The following RPS6KC1 variants were observed in gnomAD, a reference collection of about 807,000 sequenced individuals.
RPS6KC1 encodes the protein inactive ribosomal protein S6 kinase delta-1.
A neutral mutation model predicts 103.8 loss-of-function variants in RPS6KC1; 54 were observed. The observed-to-expected ratio is 0.52, with a 90% confidence interval of 0.42 to 0.65. The LOEUF is 0.65. RPS6KC1 is among the 30% of genes least tolerant of loss of function. RPS6KC1 has a pLI of 0.00. For synonymous variants in RPS6KC1, 439 were observed against 438.7 expected (o/e 1.00, Z -0.01); for missense variants, 1,151 against 1,253.8 (o/e 0.92, Z 1.24).
chr1:213,062,992 G>GC (rs2077985392), intron 1 of RPS6KC1, among the ~76,000 whole-genome samples: 1 of 152,192 alleles, frequency 6.6e-6, no homozygotes, highest in Non-Finnish European at 1.5e-5. Flanking sequence ...ACTGACCTAG[G>GC]CCAAGCCTCA....
chr1:213,692,782 G>A, the RPS6KC1 span, among the ~76,000 whole-genome samples: 3 of 152,204 alleles, frequency 2.0e-5, no homozygotes, highest in African/African-American at 7.2e-5. Context: ...TTATCAGGAA[G>A]CTGCTGATCA....
the RPS6KC1 span, among the ~76,000 whole-genome samples, chr1:213,326,141 T>C: frequency 6.6e-6 from 1 of 151,488 alleles, no homozygotes; most frequent in East Asian, 2.0e-4. Flanking sequence ...GAGCACCAAA[T>C]GATCTGAGTG....
At chr1:213,432,301 A>G in the RPS6KC1 span, among the ~76,000 whole-genome samples, 1 of 152,208 alleles carries the variant, frequency 6.6e-6, no homozygotes, top group Non-Finnish European at 1.5e-5. Flanking sequence ...TTAATGAAGT[A>G]CAATTTATAG....
At chr1:213,780,025 A>G in the RPS6KC1 span, among the ~76,000 whole-genome samples, 7 of 152,100 alleles carry the variant, frequency 4.6e-5, no homozygotes, top group African/African-American at 1.7e-4. Context: ...CATGCTCCCT[A>G]TTTCAGGGAG....
At chr1:213,745,485 C>A in the RPS6KC1 span, among the ~76,000 whole-genome samples, 1 of 151,572 alleles carries the variant, frequency 6.6e-6, no homozygotes, top group African/African-American at 2.4e-5. Flanking sequence ...GGAGTCCCAA[C>A]TCAGCTGAGG....
the RPS6KC1 span, among the ~76,000 whole-genome samples, chr1:213,736,287 C>T: frequency 1.3e-5 from 2 of 152,158 alleles, no homozygotes; most frequent in East Asian, 3.9e-4. Context: ...AAGGTTTCAG[C>T]CAGGCCGTGT....
intron 12 of RPS6KC1, among the ~76,000 whole-genome samples, chr1:213,259,104 G>A (rs2094719668): frequency 6.6e-6 from 1 of 152,148 alleles, no homozygotes; most frequent in Admixed American, 6.5e-5. Context: ...TTAAAGTTGT[G>A]GAAAAAACTA....
At chr1:213,280,843 G>A in the RPS6KC1 span, among the ~76,000 whole-genome samples, 1 of 152,142 alleles carries the variant, frequency 6.6e-6, no homozygotes, top group Non-Finnish European at 1.5e-5. Context: ...TAACAGGTGG[G>A]ATTTCAGAGT....
the RPS6KC1 span, among the ~76,000 whole-genome samples, chr1:213,304,119 T>C: frequency 1.4e-5 from 2 of 139,724 alleles, no homozygotes; most frequent in Non-Finnish European, 1.5e-5. Flanking sequence ...GGCAGGAGAA[T>C]GGCGTGAACC....
At chr1:213,556,953 A>G in the RPS6KC1 span, among the ~76,000 whole-genome samples, 1 of 152,154 alleles carries the variant, frequency 6.6e-6, no homozygotes, top group Non-Finnish European at 1.5e-5. Flanking sequence ...TCCCTCTCTC[A>G]GAATTGGGAC....
At chr1:213,855,286 G>T in the RPS6KC1 span, among the ~76,000 whole-genome samples, 1 of 152,162 alleles carries the variant, frequency 6.6e-6, no homozygotes, top group Non-Finnish European at 1.5e-5. Context: ...TACCAGAAAT[G>T]AGCTATGAAA....
the RPS6KC1 span, among the ~76,000 whole-genome samples, chr1:213,732,549 A>T: frequency 6.6e-6 from 1 of 152,164 alleles, no homozygotes; most frequent in Non-Finnish European, 1.5e-5. Flanking sequence ...CTTAATATAC[A>T]TTTGACAAAT....
the RPS6KC1 span, among the ~76,000 whole-genome samples, chr1:213,370,058 C>T: frequency 2.6e-5 from 4 of 152,024 alleles, no homozygotes; most frequent in East Asian, 1.9e-4. Flanking sequence ...GGTCTTATCT[C>T]GAAGCAATTG....
the RPS6KC1 span, among the ~76,000 whole-genome samples, chr1:213,760,338 A>G: frequency 6.6e-6 from 1 of 152,238 alleles, no homozygotes; most frequent in African/African-American, 2.4e-5. Context: ...AGCCTCCACA[A>G]TGGAGTAATG....
chr1:213,241,107 C>A lies in RPS6KC1; in HGVS notation c.1631C>A (p.Thr544Lys). 1 of 1,613,696 alleles carries A rather than the reference C, an allele frequency of 6.2e-7. No individual in the cohort carries two copies. The highest frequency in any genetic ancestry group is 8.5e-7 in the Non-Finnish European group (1 of 1,179,910). Residue 544 changes from threonine (T) to lysine (K), a missense_variant, in exon 11 of 15, where the codon ACA becomes AAA. Around this residue, in one of 3 missense-constraint regions of RPS6KC1, gnomAD observed 959 missense variants for 1,006.3 expected, o/e 0.95. Transcript: ENST00000366960. ...AAGACTGAAGGGAATGGTGTTGATA[C>A]AAAAGCTATTAAAAGCTTCCCAGCA... ...FMKTEGNGVDTKAIKSFPAHL... is the reference protein window; with the variant it reads ...FMKTEGNGVDKKAIKSFPAHL...
the RPS6KC1 span, among the ~76,000 whole-genome samples, chr1:213,420,551 G>A: frequency 6.6e-6 from 1 of 152,148 alleles, no homozygotes; most frequent in Admixed American, 6.5e-5. Context: ...CTGGTGGAGG[G>A]TAGTGAGGAG....
the RPS6KC1 span, among the ~76,000 whole-genome samples, chr1:213,779,755 G>C: frequency 6.6e-6 from 1 of 152,210 alleles, no homozygotes; most frequent in Non-Finnish European, 1.5e-5. Flanking sequence ...AGAAAGTTTA[G>C]TCAAAAGGGT....
intron 5 of RPS6KC1, among the ~76,000 whole-genome samples, chr1:213,125,067 G>A (rs1171948674): frequency 2.6e-5 from 4 of 151,942 alleles, no homozygotes; most frequent in Non-Finnish European, 5.9e-5. Context: ...CCCAATATTG[G>A]CCCTTGATGC....
At chr1:213,147,176 G>T (rs962401354) in intron 6 of RPS6KC1, among the ~76,000 whole-genome samples, 14 of 152,022 alleles carry the variant, frequency 9.2e-5, no homozygotes, top group Non-Finnish European at 1.8e-4. Flanking sequence ...ATCATTTGCT[G>T]TGCAGAAGCT....
Sources: allele counts gnomAD v4.1 joint callset (sites outside exome capture counted in the v4.1 genomes callset), GRCh38; gene constraint gnomAD v4.1.1; regional missense constraint gnomAD v4.1.1; transcripts MANE v1.5; gene names NCBI Gene and HGNC (gene_info 2026-07-23, HGNC 2026-07-21).